SNTG1: variants seen among roughly 807,000 people sequenced by gnomAD.
SNTG1 encodes gamma-1-syntrophin.
SNTG1 carries 39 observed loss-of-function variants against 74.7 expected under a neutral mutation model. The ratio of observed to expected loss-of-function variants is 0.52; its 90% CI spans 0.40 to 0.68. SNTG1 has a LOEUF of 0.68. Among genes scored for constraint, SNTG1 ranks in the 30% least tolerant of loss-of-function variants. The pLI, the probability that SNTG1 is intolerant of heterozygous loss-of-function variation, is 0.00. For missense variants in SNTG1, 685 were observed against 609.5 expected (o/e 1.12, Z -1.30); for synonymous variants, 254 against 217.1 (o/e 1.17, Z -1.49).
chr8:49,945,456 C>G (rs1809092737), intron 1 of SNTG1, among the ~76,000 whole-genome samples: 1 of 152,160 alleles, frequency 6.6e-6, no homozygotes, highest in Admixed American at 6.5e-5. Flanking sequence ...TTCATTTAAC[C>G]TTTCGTCATG....
At chr8:50,591,301 C>T (rs190261969) in intron 13 of SNTG1, among the ~76,000 whole-genome samples, 14 of 151,942 alleles carry the variant, frequency 9.2e-5, no homozygotes, top group Admixed American at 7.9e-4. Flanking sequence ...GTATTTCAAA[C>T]GAGTCTAAGT....
chr8:50,246,441 G>A (rs2086402195), intron 2 of SNTG1, among the ~76,000 whole-genome samples: 1 of 151,830 alleles, frequency 6.6e-6, no homozygotes, highest in South Asian at 2.1e-4. Context: ...GAGGATCCTG[G>A]GAATAGAACC....
intron 2 of SNTG1, among the ~76,000 whole-genome samples, chr8:50,370,608 C>A (rs1470070371): frequency 1.4e-4 from 22 of 152,124 alleles, no homozygotes; most frequent in Admixed American, 1.4e-3. Context: ...AAGGACTTAA[C>A]CTTACATTGC....
At chr8:50,729,896 G>T (rs1483859250) in intron 17 of SNTG1, among the ~76,000 whole-genome samples, 1 of 152,108 alleles carries the variant, frequency 6.6e-6, no homozygotes, top group Non-Finnish European at 1.5e-5. Flanking sequence ...TGTGACCAAG[G>T]AATTCATTAT....
intron 1 of SNTG1, among the ~76,000 whole-genome samples, chr8:50,079,120 T>TG (rs1822163260): frequency 6.6e-6 from 1 of 152,210 alleles, no homozygotes; most frequent in African/African-American, 2.4e-5. Flanking sequence ...TTTAGAACCT[T>TG]GAGGAATCGC....
chr8:50,067,876 G>A (rs902147526), intron 1 of SNTG1, among the ~76,000 whole-genome samples: 3 of 152,130 alleles, frequency 2.0e-5, no homozygotes, highest in African/African-American at 7.2e-5. Context: ...CTGTTGCAGG[G>A]TCTCCATCAA....
chr8:50,174,787 T>G, intron 2 of SNTG1, among the ~76,000 whole-genome samples: 1 of 152,118 alleles, frequency 6.6e-6, no homozygotes, highest in East Asian at 1.9e-4. Flanking sequence ...TGTATACATG[T>G]GCCATGTTGG....
chr8:50,133,608 C>T (rs1006210605), intron 1 of SNTG1, among the ~76,000 whole-genome samples: 3 of 152,166 alleles, frequency 2.0e-5, no homozygotes, highest in Non-Finnish European at 4.4e-5. Context: ...GTAGAAGCTG[C>T]CTCCTGGCCC....
chr8:50,106,763 T>G (rs537912450), intron 1 of SNTG1, among the ~76,000 whole-genome samples: 1 of 152,322 alleles, frequency 6.6e-6, no homozygotes, highest in African/African-American at 2.4e-5. Flanking sequence ...TGACTTACTT[T>G]AACTTTGATA....
chr8:50,160,130 C>A (rs1364043900), intron 1 of SNTG1, among the ~76,000 whole-genome samples: 1 of 152,098 alleles, frequency 6.6e-6, no homozygotes, highest in Non-Finnish European at 1.5e-5. Flanking sequence ...TTGGGCATTG[C>A]ACTTAATTTT....
intron 2 of SNTG1, among the ~76,000 whole-genome samples, chr8:50,291,843 C>G (rs1208297788): frequency 1.3e-5 from 2 of 152,048 alleles, no homozygotes; most frequent in Non-Finnish European, 2.9e-5. Context: ...AATTTTAAGA[C>G]AGAAAAGACC....
At chr8:50,567,072 CTT>C (rs2094520225) in intron 12 of SNTG1, among the ~76,000 whole-genome samples, 1 of 151,944 alleles carries the variant, frequency 6.6e-6, no homozygotes, top group African/African-American at 2.4e-5. Context: ...GAATAATAGT[CTT>C]TGGGATTCTC....
chr8:49,974,149 T>C (rs1290638572), intron 1 of SNTG1, among the ~76,000 whole-genome samples: 1 of 152,220 alleles, frequency 6.6e-6, no homozygotes, highest in Non-Finnish European at 1.5e-5. Context: ...TTTTCCTATC[T>C]GGAAGCACAT....
At chr8:50,703,669 A>G (rs2131525383) in intron 15 of SNTG1, among the ~76,000 whole-genome samples, 1 of 152,266 alleles carries the variant, frequency 6.6e-6, no homozygotes, top group Non-Finnish European at 1.5e-5. Flanking sequence ...ATTATGTAGC[A>G]TACATCATAA....
intron 4 of SNTG1, among the ~76,000 whole-genome samples, chr8:50,421,046 C>CGGGGG (rs1172604268): frequency 4.1e-3 from 11 of 2,652 alleles, no homozygotes; most frequent in African/African-American, 0.012. Context: ...AGGCGGTGGG[C>CGGGGG]GGGGGAGGGG....
At chr8:50,505,765 A>G (rs1563490857) in intron 9 of SNTG1, among the ~76,000 whole-genome samples, 1 of 152,134 alleles carries the variant, frequency 6.6e-6, no homozygotes, top group South Asian at 2.1e-4. Context: ...ACGTATTACC[A>G]GACATATGGT....
intron 15 of SNTG1, among the ~76,000 whole-genome samples, chr8:50,659,945 C>A (rs1848438): frequency 0.83 from 126,352 of 151,960 alleles, 52,634 homozygotes; most frequent in East Asian, 0.92. Context: ...GTTCAAGCAA[C>A]TCTCCTGCCT....
At position 50,542,178 on chromosome 8, in the gene SNTG1, C is replaced by T. The variant is rs1222043272; in HGVS notation, c.680+5370C>T. ...CTTTCTGTTTTTTTTTTTTTTGAGA[C>T]GGAGTTTCACTCTTGTTCCCCAAGC... On this transcript the variant is annotated intron_variant, in intron 11 of 18. Coordinates refer to ENST00000642720, the MANE Select transcript of SNTG1 (RefSeq NM_018967.5). Among the ~76,000 whole-genome samples, 43 of 137,254 alleles carry T rather than the reference C, an allele frequency of 3.1e-4. 2 individuals are homozygous for T. The South Asian group carries it at 7.2e-3, about 23-fold the overall frequency. 90.0% of individuals were successfully genotyped at this position (137,254 alleles called of 152,430 possible). A position where few individuals can be genotyped will look rare whatever the true frequency, so the allele number is the denominator to read the frequency against.
chr8:50,451,523 C>A (rs2093457713), intron 8 of SNTG1, among the ~76,000 whole-genome samples: 1 of 152,002 alleles, frequency 6.6e-6, no homozygotes, highest in Non-Finnish European at 1.5e-5. Context: ...AGAGAGAGAA[C>A]CTTAACCTCA....
Sources: gnomAD v4.1 joint callset for allele counts (sites outside exome capture counted in the v4.1 genomes callset) on GRCh38, gnomAD v4.1.1 for gene constraint, MANE v1.5 for transcripts, NCBI Gene and HGNC (gene_info 2026-07-23, HGNC 2026-07-21) for gene names.